Variants in PTGR2 observed in about 807,000 individuals in gnomAD.
PTGR2 encodes the protein prostaglandin reductase 2.
In PTGR2, 32 loss-of-function variants were observed where a neutral mutation model predicts 43.4. That is an observed-to-expected ratio of 0.74 (90% confidence interval 0.56 to 0.99). PTGR2 has a LOEUF of 0.99. PTGR2 is among the 50% of genes least tolerant of loss of function. PTGR2 has a pLI of 0.00. For missense variants in PTGR2, 373 were observed against 420.0 expected, an observed-to-expected ratio of 0.89 and a Z score of 0.98; for synonymous variants, 106 against 139.2, an observed-to-expected ratio of 0.76 and a Z score of 1.68.
At chr14:73,877,357 T>C in intron 5 of PTGR2, 189 bp downstream of exon 5, 1 of 474,554 alleles carries the variant, frequency 2.1e-6, no homozygotes, top group South Asian at 2.9e-5. Flanking sequence ...CTCCGCCTCC[T>C]GGGTTCAAGA....
At position 73,880,226 on chromosome 14, in the gene PTGR2, A is replaced by T. The variant is rs138428400; in HGVS notation, c.851+50A>T. On this transcript the variant is annotated intron_variant, in intron 7 of 9. Transcript: ENST00000555661. The stretch of plus-strand genomic sequence containing the variant: ...TTACCAGGTTCATGGGGTTTTAAAT[A>T]TCATAGATGTGTATGAAATCTATTG... 1.3e-4 allele frequency: 207 copies of T among 1,593,068 alleles called. 1 individual carries two copies. In the East Asian group the frequency reaches 4.3e-3, roughly 33 times the overall value.
chr14:73,865,210 G>A (rs11846383), intron 3 of PTGR2, among the ~76,000 whole-genome samples: 2,550 of 152,234 alleles, frequency 0.017, 70 homozygotes, highest in African/African-American at 0.058. Flanking sequence ...TGGAAGGCCC[G>A]ACAACCAAGG....
chr14:73,852,123 T>A (rs911031627), intron 1 of PTGR2, 180 bp downstream of exon 1: 1 of 152,154 alleles, frequency 6.6e-6, no homozygotes, highest in Non-Finnish European at 1.5e-5. Context: ...AGAAGCAGGT[T>A]TTGGGGTTTT....
chr14:73,871,341 C>CTTTTTTTTTTTTTTTTTTT (rs869073652), intron 3 of PTGR2, among the ~76,000 whole-genome samples: 7 of 67,876 alleles, frequency 1.0e-4, no homozygotes, highest in Non-Finnish European at 1.3e-4. Context: ...GGCTGTTCAT[C>CTTTTTTTTTTTTTTTTTTT]TTTTTTTTTT....
At chr14:73,882,253 C>A in intron 8 of PTGR2, 146 bp from the exon 9 acceptor site, 1 of 599,516 alleles carries the variant, frequency 1.7e-6, no homozygotes, top group South Asian at 2.3e-5. Flanking sequence ...TGATAGGAAG[C>A]TTTTCTGGGC....
intron 6 of PTGR2, chr14:73,879,635 G>T (rs1331728646): frequency 1.5e-5 from 3 of 200,430 alleles, no homozygotes; most frequent in Non-Finnish European, 9.9e-6. Flanking sequence ...CACAGCCATG[G>T]CCCCAGACCT....
chr14:73,863,761 G>A (rs1051471824), intron 3 of PTGR2, among the ~76,000 whole-genome samples: 7 of 151,778 alleles, frequency 4.6e-5, no homozygotes, highest in East Asian at 3.9e-4. Context: ...ATTAACAGGC[G>A]TGCACCACCA....
chr14:73,858,168 GTGT>G (rs1332364773), intron 1 of PTGR2: 1 of 152,208 alleles, frequency 6.6e-6, no homozygotes, highest in Non-Finnish European at 1.5e-5. Context: ...GACCAGCCTT[GTGT>G]TGTTTTCTTT....
chr14:73,885,569 G>C lies in PTGR2; in HGVS notation c.*1392G>C, dbSNP rs1014238058. 1 of 152,066 alleles carries C rather than the reference G, an allele frequency of 6.6e-6. No homozygotes were observed. Among genetic ancestry groups the C allele is most frequent in the Non-Finnish European group, 1.5e-5 (1 of 68,012 alleles). 9.4% of individuals were successfully genotyped at this position (152,066 alleles called of 1,614,324 possible). ...TTGGTAATCAGCCTCCCCAGTTTTC[G>C]TGAGTGGCCCTTTTTTGTTACTTTT... is the stretch of plus-strand genomic sequence containing the variant. On this transcript the variant is annotated 3_prime_UTR_variant, in exon 10 of 10. Transcript: ENST00000555661.
intron 1 of PTGR2, among the ~76,000 whole-genome samples, chr14:73,855,288 G>C (rs956644394): frequency 6.6e-6 from 1 of 152,144 alleles, no homozygotes; most frequent in Non-Finnish European, 1.5e-5. Context: ...TAGTGTTTAT[G>C]TTTAAATCTG....
chr14:73,883,188 CTTTTTTTTTTTTTTTTTTTTTTT>C (rs58234739), intron 9 of PTGR2, among the ~76,000 whole-genome samples: 4 of 58,122 alleles, frequency 6.9e-5, no homozygotes, highest in Non-Finnish European at 8.3e-5. Context: ...CCTCACCTCC[CTTTTTTTTTTTTTTTTTTTTTTT>C]TTTTTTTTTA....
In PTGR2 at chr14:73,880,189, T is replaced by C; in HGVS notation, c.851+13T>C. The C allele has an allele frequency of 1.2e-6, 2 of 1,613,380 alleles. No individual in the cohort carries two copies. Among genetic ancestry groups the C allele is most frequent in the Non-Finnish European group, 1.7e-6 (2 of 1,179,434 alleles). ...GAAACATCACAAGGTGTGTTCTTCC[T>C]CTTTGCCCTTATTACCAGGTTCATG... On this transcript the variant is annotated intron_variant, in intron 7 of 9. Coordinates refer to ENST00000555661, the MANE Select transcript of PTGR2 (RefSeq NM_001146154.2).
At chr14:73,856,739 T>C (rs892916335) in intron 1 of PTGR2, among the ~76,000 whole-genome samples, 1 of 152,220 alleles carries the variant, frequency 6.6e-6, no homozygotes, top group Non-Finnish European at 1.5e-5. Context: ...TGTAGGTTTG[T>C]GTAAGTATAC....
In PTGR2 at chr14:73,882,389, T is replaced by G. The variant is rs1436860467; in HGVS notation, c.940-10T>G. On this transcript the variant is annotated splice_polypyrimidine_tract_variant and intron_variant, in intron 8 of 9. Coordinates refer to ENST00000555661, the MANE Select transcript of PTGR2 (RefSeq NM_001146154.2). ...TAAAGACTATTAAATCTAGCTATTT[T>G]GATTTACAGATTAAAGAGACGGTAA... is the stretch of plus-strand genomic sequence containing the variant. 2.0e-6 allele frequency: 3 copies of G among 1,535,016 alleles called. No individual in the cohort carries two copies. In the African/African-American group the frequency reaches 4.1e-5, roughly 21 times the overall value.
chr14:73,856,709 G>A (rs2054355482), intron 1 of PTGR2, among the ~76,000 whole-genome samples: 1 of 152,164 alleles, frequency 6.6e-6, no homozygotes, highest in Non-Finnish European at 1.5e-5. Flanking sequence ...TATCACCTAG[G>A]TGTCTAGTAA....
At chr14:73,873,779 G>T (rs1437868652) in intron 3 of PTGR2, among the ~76,000 whole-genome samples, 1 of 152,018 alleles carries the variant, frequency 6.6e-6, no homozygotes, top group Non-Finnish European at 1.5e-5. Context: ...CAATTTTCAA[G>T]TATACAATAC....
chr14:73,858,215 G>A (rs2054406279), intron 1 of PTGR2: 2 of 152,170 alleles, frequency 1.3e-5, no homozygotes, highest in African/African-American at 4.8e-5. Flanking sequence ...TCATGATGGT[G>A]TGCTTGAAGA....
chr14:73,857,630 AT>A (rs1286563856), intron 1 of PTGR2, among the ~76,000 whole-genome samples: 1 of 106,888 alleles, frequency 9.4e-6, no homozygotes, highest in Admixed American at 9.4e-5. Context: ...CAAAAAAAAA[AT>A]TTTTTTGATT....
intron 9 of PTGR2, 103 bp from the exon 10 acceptor site, chr14:73,883,998 C>T (rs1189023466): frequency 1.7e-5 from 12 of 726,022 alleles, no homozygotes; most frequent in Non-Finnish European, 2.3e-5. Flanking sequence ...TATTCAAAAT[C>T]ATTGAAAAAG....
Sources: allele counts gnomAD v4.1 joint callset (sites outside exome capture counted in the v4.1 genomes callset), GRCh38; gene constraint gnomAD v4.1.1; transcripts MANE v1.5; gene names NCBI Gene and HGNC (gene_info 2026-07-23, HGNC 2026-07-21).